Variants in SIDT1 observed in about 807,000 individuals in gnomAD.
SIDT1 encodes the protein SID1 transmembrane family, member 1.
A neutral mutation model predicts 107.5 loss-of-function variants in SIDT1; 101 were observed. The ratio of observed to expected loss-of-function variants is 0.94; its 90% confidence interval spans 0.80 to 1.11. The LOEUF is 1.11. SIDT1 is among the 50% of genes least tolerant of loss of function. SIDT1 has a pLI of 0.00. For synonymous variants in SIDT1, 395 were observed against 398.2 expected (o/e 0.99, Z 0.10); for missense variants, 1,076 against 1,058.2 (o/e 1.02, Z -0.23).
chr3:113,561,815 C>T (rs2107726218), intron 1 of SIDT1, among the ~76,000 whole-genome samples: 1 of 152,054 alleles, frequency 6.6e-6, no homozygotes, highest in South Asian at 2.1e-4. Context: ...TGCCTTAGAT[C>T]AAAGTGTGAA....
intron 24 of SIDT1, 88 bp from the exon 25 acceptor site, chr3:113,627,558 C>A: frequency 4.7e-6 from 6 of 1,278,036 alleles, no homozygotes; most frequent in Non-Finnish European, 6.8e-6. Flanking sequence ...CTAACAGTTT[C>A]CAGTCTGTGT....
intron 1 of SIDT1, among the ~76,000 whole-genome samples, chr3:113,534,275 T>C (rs1191998263): frequency 6.6e-6 from 1 of 152,204 alleles, no homozygotes; most frequent in Non-Finnish European, 1.5e-5. Flanking sequence ...AGATCGGAAC[T>C]AGAAAACCTC....
At chr3:113,603,910 C>A in intron 12 of SIDT1, 50 bp from the exon 13 acceptor site, 2 of 1,236,132 alleles carry the variant, frequency 1.6e-6, no homozygotes, top group Non-Finnish European at 2.4e-6. Context: ...GTATCTCATG[C>A]ATAAAGAGCT....
intron 6 of SIDT1, 148 bp downstream of exon 6, chr3:113,581,592 G>A (rs982119762): frequency 2.1e-5 from 14 of 663,904 alleles, no homozygotes; most frequent in East Asian, 2.0e-4. Context: ...AATATGTCTG[G>A]CCAGGCGCAG....
At chr3:113,587,946 T>C (rs1464390892) in intron 9 of SIDT1, among the ~76,000 whole-genome samples, 1 of 152,200 alleles carries the variant, frequency 6.6e-6, no homozygotes, top group Non-Finnish European at 1.5e-5. Flanking sequence ...TCCAAAACAC[T>C]TCCAGTTTTG....
chr3:113,620,965 G>A (rs1055624360), intron 21 of SIDT1, among the ~76,000 whole-genome samples: 3 of 152,152 alleles, frequency 2.0e-5, no homozygotes, highest in Admixed American at 6.5e-5. Context: ...CAGCTCTGTG[G>A]AACAAAAGGG....
chr3:113,583,890 C>CA (rs1465137458), intron 7 of SIDT1, among the ~76,000 whole-genome samples: 1 of 152,130 alleles, frequency 6.6e-6, no homozygotes, highest in African/African-American at 2.4e-5. Context: ...TATCAGTAGT[C>CA]ATCATTTCCA....
intron 20 of SIDT1, among the ~76,000 whole-genome samples, chr3:113,618,643 G>C (rs1488395598): frequency 6.6e-6 from 1 of 152,106 alleles, no homozygotes; most frequent in African/African-American, 2.4e-5. Context: ...TTTTAATGAA[G>C]TTATTTCCTC....
chr3:113,556,197 C>T (rs1940840252), intron 1 of SIDT1, among the ~76,000 whole-genome samples: 2 of 152,138 alleles, frequency 1.3e-5, no homozygotes, highest in South Asian at 4.1e-4. Context: ...TTTATTATGC[C>T]ATAAATGTAC....
intron 17 of SIDT1, 23 bp downstream of exon 17, chr3:113,608,559 A>C (rs750769356): frequency 1.3e-6 from 2 of 1,496,306 alleles, no homozygotes; most frequent in Non-Finnish European, 1.9e-6. Context: ...TATATCTACT[A>C]TACAGATTTG....
intron 24 of SIDT1, among the ~76,000 whole-genome samples, chr3:113,627,183 C>G (rs1946916292): frequency 6.6e-6 from 1 of 152,094 alleles, no homozygotes; most frequent in Non-Finnish European, 1.5e-5. Flanking sequence ...GACTCTTGAC[C>G]TAAATGTCCC....
At chr3:113,579,344 A>G (rs948824912) in intron 4 of SIDT1, among the ~76,000 whole-genome samples, 1 of 152,236 alleles carries the variant, frequency 6.6e-6, no homozygotes, top group African/African-American at 2.4e-5. Context: ...ATATATGGGA[A>G]CATATATGAG....
At chr3:113,545,114 T>TAAAAAAAAAAAAAAAAAAA (rs554009768) in intron 1 of SIDT1, among the ~76,000 whole-genome samples, 1 of 73,968 alleles carries the variant, frequency 1.4e-5, no homozygotes, top group African/African-American at 5.8e-5. Flanking sequence ...GAGACTCTGT[T>TAAAAAAAAAAAAAAAAAAA]AAAAAAAAAA....
chr3:113,566,315 A>G, intron 1 of SIDT1, 105 bp from the exon 2 acceptor site: 4 of 1,153,306 alleles, frequency 3.5e-6, no homozygotes, highest in Non-Finnish European at 5.0e-6. Flanking sequence ...CATGGCAACT[A>G]TGGTGTGTGT....
intron 19 of SIDT1, 78 bp downstream of exon 19, chr3:113,612,272 G>A (rs986900897): frequency 3.0e-6 from 3 of 1,004,898 alleles, no homozygotes; most frequent in Non-Finnish European, 4.7e-6. Context: ...TACTTATGCT[G>A]AATGAAAGTG....
At chr3:113,550,760 A>C (rs1169597415) in intron 1 of SIDT1, among the ~76,000 whole-genome samples, 1 of 152,050 alleles carries the variant, frequency 6.6e-6, no homozygotes, top group African/African-American at 2.4e-5. Flanking sequence ...ATTTCTTTTT[A>C]AACTTTTATT....
At chr3:113,595,923 C>A (rs139726570) in intron 10 of SIDT1, among the ~76,000 whole-genome samples, 7 of 152,222 alleles carry the variant, frequency 4.6e-5, no homozygotes, top group Non-Finnish European at 8.8e-5. Context: ...TCAAACAGAG[C>A]ATAGAGAAAT....
intron 1 of SIDT1, among the ~76,000 whole-genome samples, chr3:113,563,082 A>G (rs1385220081): frequency 1.3e-5 from 2 of 152,240 alleles, no homozygotes; most frequent in Non-Finnish European, 2.9e-5. Flanking sequence ...ATCCAAGGCC[A>G]GTCAACACTG....
chr3:113,608,490 C>T lies in SIDT1; in HGVS notation c.1674C>T (p.Leu558=), dbSNP rs766693363. The T allele has an allele frequency of 1.2e-6, 2 of 1,614,010 alleles. No individual in the cohort carries two copies. The highest frequency in any genetic ancestry group is 1.7e-6 in the Non-Finnish European group (2 of 1,179,884). The part of the protein sequence containing the change: ...MGIALMMEGV[L]SACYHVCPNY... ...TTGCATTGATGATGGAAGGGGTGCT[C>T]AGTGCTTGCTACCATGTCTGCCCTA... The change falls in exon 17 of 25, where the codon CTC becomes CTT. Residue 558 remains leucine (L), a synonymous_variant. Coordinates refer to ENST00000264852, the MANE Select transcript of SIDT1 (RefSeq NM_017699.3).
Sources: gnomAD v4.1 joint callset for allele counts (sites outside exome capture counted in the v4.1 genomes callset) on GRCh38, gnomAD v4.1.1 for gene constraint, MANE v1.5 for transcripts, NCBI Gene and HGNC (gene_info 2026-07-23, HGNC 2026-07-21) for gene names.